The following PLCL1 variants were observed in gnomAD, a reference collection of about 807,000 sequenced individuals.
PLCL1 encodes phospholipase C like 1 (inactive), also known as inactive phospholipase C-like protein 1.
A neutral mutation model predicts 84.4 loss-of-function variants in PLCL1; 41 were observed. That is an observed-to-expected ratio of 0.49 (90% CI 0.38 to 0.63). The LOEUF (loss-of-function observed/expected upper bound fraction) is 0.63. Among genes scored for constraint, PLCL1 ranks in the 30% least tolerant of loss-of-function variants. The pLI is 0.00. For synonymous variants in PLCL1, 490 were observed against 488.3 expected, an observed-to-expected ratio of 1.00 and a Z score of -0.05; for missense variants, 1,206 against 1,367.8, an observed-to-expected ratio of 0.88 and a Z score of 1.87.
intron 1 of PLCL1, among the ~76,000 whole-genome samples, chr2:197,939,455 T>C (rs1321556915): frequency 6.6e-6 from 1 of 152,146 alleles, no homozygotes; most frequent in Non-Finnish European, 1.5e-5. Flanking sequence ...ATTTTTTTCA[T>C]AGTTTTGGAG....
At chr2:198,027,533 T>C (rs1175462325) in intron 1 of PLCL1, among the ~76,000 whole-genome samples, 1 of 152,128 alleles carries the variant, frequency 6.6e-6, no homozygotes, top group Non-Finnish European at 1.5e-5. Context: ...ATATATGAGG[T>C]AATGCAAATA....
intron 1 of PLCL1, among the ~76,000 whole-genome samples, chr2:197,925,332 A>G (rs374744795): frequency 3.9e-5 from 6 of 152,320 alleles, no homozygotes; most frequent in African/African-American, 1.4e-4. Flanking sequence ...AGTTAGCTTG[A>G]ATTTTGAGTG....
At chr2:197,857,918 C>A (rs1427389428) in intron 1 of PLCL1, among the ~76,000 whole-genome samples, 1 of 151,996 alleles carries the variant, frequency 6.6e-6, no homozygotes, top group African/African-American at 2.4e-5. Flanking sequence ...AAAAGGAAGC[C>A]AAAAGAGTCC....
chr2:197,834,760 A>G (rs1362059192), intron 1 of PLCL1, among the ~76,000 whole-genome samples: 1 of 152,224 alleles, frequency 6.6e-6, no homozygotes. Context: ...AAGGATCTAG[A>G]GCCAGAAATA....
intron 5 of PLCL1, among the ~76,000 whole-genome samples, chr2:198,137,885 C>G (rs1161301799): frequency 6.6e-6 from 1 of 152,122 alleles, no homozygotes; most frequent in Non-Finnish European, 1.5e-5. Context: ...ACTTTTGTAA[C>G]CCCCAGAGTC....
chr2:197,815,763 G>T lies in PLCL1; in HGVS notation c.240+10424G>T, dbSNP rs571542764. Among the ~76,000 whole-genome samples the T allele has an allele frequency of 1.2e-4, 18 of 152,252 alleles. No homozygotes were observed. The South Asian group carries it at 3.7e-3, about 32-fold the overall frequency. Reference sequence around the variant, plus strand: ...TGACTTTGAAAGGTTCAGGACTTCGGTGGGGGAAGTCACTGTAGACGGGGT... The same window carrying T: ...TGACTTTGAAAGGTTCAGGACTTCGTTGGGGGAAGTCACTGTAGACGGGGT... On this transcript the variant is annotated intron_variant, in intron 1 of 5. Coordinates refer to ENST00000428675, the MANE Select transcript of PLCL1 (RefSeq NM_006226.4).
At chr2:197,925,905 T>A (rs1250567981) in intron 1 of PLCL1, among the ~76,000 whole-genome samples, 1 of 152,224 alleles carries the variant, frequency 6.6e-6, no homozygotes, top group Non-Finnish European at 1.5e-5. Context: ...ACTCTATTTG[T>A]AGCACATCTG....
intron 1 of PLCL1, among the ~76,000 whole-genome samples, chr2:197,836,611 CAA>C (rs987969457): frequency 8.5e-5 from 13 of 152,072 alleles, no homozygotes; most frequent in African/African-American, 2.9e-4. Context: ...TTCCAGGAGT[CAA>C]AGAGTATTTA....
rs186671477 is a variant in PLCL1 at position 198,132,459 on chromosome 2, G to T, written c.3106-14321G>T. On this transcript the variant is annotated intron_variant, in intron 5 of 5. Coordinates refer to ENST00000428675, the MANE Select transcript of PLCL1 (RefSeq NM_006226.4). ...TTTCTTTAAAAATGTGTTTTTTTGGGGGGGGGAGTCCACATATTCAAAGTT... is the reference window on the plus strand; with the variant it reads ...TTTCTTTAAAAATGTGTTTTTTTGGTGGGGGGAGTCCACATATTCAAAGTT... Among the ~76,000 whole-genome samples, 222 of 152,004 alleles carry T rather than the reference G, an allele frequency of 1.5e-3. 2 individuals carry two copies. Among genetic ancestry groups the T allele is most frequent in the Non-Finnish European group, 6.8e-4 (46 of 67,958 alleles).
At chr2:197,856,577 G>T (rs188044817) in intron 1 of PLCL1, among the ~76,000 whole-genome samples, 2,261 of 152,244 alleles carry the variant, frequency 0.015, 63 homozygotes, top group African/African-American at 0.052. Flanking sequence ...ATAAAAGTGA[G>T]TTTTGGCTCT....
chr2:198,131,237 G>C (rs948161378), intron 5 of PLCL1, among the ~76,000 whole-genome samples: 1 of 152,168 alleles, frequency 6.6e-6, no homozygotes, highest in Non-Finnish European at 1.5e-5. Context: ...ATGGGGCACT[G>C]TTATCTGTAC....
intron 1 of PLCL1, among the ~76,000 whole-genome samples, chr2:198,000,905 G>A (rs757566128): frequency 2.0e-5 from 3 of 152,082 alleles, no homozygotes; most frequent in Non-Finnish European, 2.9e-5. Context: ...GAATATATGT[G>A]TATGTATCCT....
chr2:197,848,887 C>T (rs145118474), intron 1 of PLCL1, among the ~76,000 whole-genome samples: 12 of 152,056 alleles, frequency 7.9e-5, no homozygotes, highest in South Asian at 2.1e-4. Flanking sequence ...AGTAAAGAGA[C>T]GGAAAATTCC....
intron 1 of PLCL1, among the ~76,000 whole-genome samples, chr2:197,850,090 A>G (rs965347480): frequency 6.6e-6 from 1 of 151,142 alleles, no homozygotes; most frequent in African/African-American, 2.4e-5. Flanking sequence ...GACTGCAGCC[A>G]GGAAGCCTGG....
At chr2:197,936,930 C>G (rs1040911478) in intron 1 of PLCL1, among the ~76,000 whole-genome samples, 1 of 152,124 alleles carries the variant, frequency 6.6e-6, no homozygotes, top group Non-Finnish European at 1.5e-5. Flanking sequence ...ATATTTAAGT[C>G]TTCAATCTGC....
chr2:197,911,583 T>G (rs1459656313), intron 1 of PLCL1, among the ~76,000 whole-genome samples: 1 of 152,168 alleles, frequency 6.6e-6, no homozygotes, highest in Non-Finnish European at 1.5e-5. Flanking sequence ...CTTCCAGGCA[T>G]TAAGAGTATG....
chr2:198,103,678 C>T lies in PLCL1; in HGVS notation c.2996-149C>T, dbSNP rs114343151. The T allele has an allele frequency of 2.5e-3, 1,227 of 496,670 alleles. 20 individuals carry two copies. Among genetic ancestry groups the T allele is most frequent in the African/African-American group, 0.023 (1,144 of 49,776 alleles). The allele number at this position is 496,670 out of a possible 1,614,324, so 30.8% of individuals were successfully genotyped here. ...AAGGACAGCTACTTGGTGGGATGAA[C>T]AGAATGAAAAGGATAATTCAATTTA... On this transcript the variant is annotated intron_variant, in intron 4 of 5. Coordinates refer to ENST00000428675, the MANE Select transcript of PLCL1 (RefSeq NM_006226.4).
intron 1 of PLCL1, chr2:198,001,963 T>C (rs1427166134): frequency 2.3e-6 from 1 of 441,006 alleles, no homozygotes; most frequent in Non-Finnish European, 4.6e-6. Flanking sequence ...TGGGACTGTG[T>C]AGTTGCAGGA....
intron 1 of PLCL1, among the ~76,000 whole-genome samples, chr2:197,925,549 C>G (rs1688815720): frequency 6.6e-6 from 1 of 152,156 alleles, no homozygotes. Flanking sequence ...GAATGCAAGA[C>G]TAATTTGTTG....
Sources: gnomAD v4.1 joint callset for allele counts (sites outside exome capture counted in the v4.1 genomes callset) on GRCh38, gnomAD v4.1.1 for gene constraint, MANE v1.5 for transcripts, NCBI Gene and HGNC (gene_info 2026-07-23, HGNC 2026-07-21) for gene names.